Variants in RBFOX1 observed in about 807,000 individuals in gnomAD.
The protein encoded by RBFOX1 is RNA binding protein fox-1 homolog 1.
Under a neutral mutation model 57.7 loss-of-function variants are expected in RBFOX1, and 8 were observed. That is an observed-to-expected ratio of 0.14 (90% CI 0.08 to 0.25). The LOEUF (loss-of-function observed/expected upper bound fraction) is 0.25, where lower values mean the gene tolerates loss of function less well. Among genes scored for constraint, RBFOX1 ranks in the 10% least tolerant of loss-of-function variants. The probability of loss-of-function intolerance (pLI) is 1.00; values close to 1 mark genes in which losing one functional copy is unlikely to be tolerated. For synonymous variants in RBFOX1, 326 were observed against 222.4 expected, an observed-to-expected ratio of 1.47 and a Z score of -4.15; for missense variants, 611 against 548.5, an observed-to-expected ratio of 1.11 and a Z score of -1.14.
At chr16:7,518,759 A>G (rs895022087) in intron 5 of RBFOX1, among the ~76,000 whole-genome samples, 3 of 152,188 alleles carry the variant, frequency 2.0e-5, no homozygotes, top group African/African-American at 7.2e-5. Flanking sequence ...GTGGTGGCTC[A>G]TGCCTGTGAT....
chr16:5,981,524 A>C (rs1432800566), intron 4 of RBFOX1, among the ~76,000 whole-genome samples: 1 of 152,150 alleles, frequency 6.6e-6, no homozygotes, highest in East Asian at 1.9e-4. Context: ...GCTGGACTGA[A>C]GTGGCACCAT....
At chr16:5,891,674 G>C (rs1412441437) in intron 4 of RBFOX1, among the ~76,000 whole-genome samples, 1 of 152,176 alleles carries the variant, frequency 6.6e-6, no homozygotes, top group Non-Finnish European at 1.5e-5. Context: ...TGCCTAGGAA[G>C]AGCAGAGACT....
chr16:7,166,267 G>C (rs192227885), intron 4 of RBFOX1, among the ~76,000 whole-genome samples: 40 of 134,184 alleles, frequency 3.0e-4, no homozygotes, highest in Admixed American at 2.9e-3. Context: ...ACCCTTGTCG[G>C]ACTTCCCAAG....
intron 1 of RBFOX1, among the ~76,000 whole-genome samples, chr16:5,251,428 C>G (rs1423343963): frequency 6.6e-6 from 1 of 152,182 alleles, no homozygotes; most frequent in African/African-American, 2.4e-5. Context: ...ACTGTCATTG[C>G]TAGACTGTGG....
intron 10 of RBFOX1, among the ~76,000 whole-genome samples, chr16:7,628,473 T>A (rs1210217575): frequency 6.6e-6 from 1 of 152,138 alleles, no homozygotes; most frequent in Non-Finnish European, 1.5e-5. Context: ...GTAGGTAGCT[T>A]GCCTCCCCTT....
chr16:7,263,805 C>G (rs577180508), intron 4 of RBFOX1, among the ~76,000 whole-genome samples: 3 of 151,508 alleles, frequency 2.0e-5, no homozygotes, highest in Non-Finnish European at 4.4e-5. Context: ...TAGGCTGAGG[C>G]GGGAGAATCG....
intron 4 of RBFOX1, among the ~76,000 whole-genome samples, chr16:7,473,355 G>C (rs190915318): frequency 6.6e-6 from 1 of 150,588 alleles, no homozygotes; most frequent in East Asian, 1.9e-4. Context: ...TAGAACCTGG[G>C]TGACAGAGAG....
intron 4 of RBFOX1, among the ~76,000 whole-genome samples, chr16:7,362,355 G>C (rs1352417990): frequency 6.9e-6 from 1 of 144,758 alleles, no homozygotes; most frequent in African/African-American, 2.9e-5. Context: ...ATGTGTGTTT[G>C]TGTGTATGCT....
At chr16:6,244,802 C>G (rs1209708308) in intron 1 of RBFOX1, among the ~76,000 whole-genome samples, 1 of 152,180 alleles carries the variant, frequency 6.6e-6, no homozygotes, top group Non-Finnish European at 1.5e-5. Context: ...GCCAACACAC[C>G]CGGCAAACTT....
At chr16:6,340,218 G>A (rs1447483330) in intron 2 of RBFOX1, among the ~76,000 whole-genome samples, 2 of 152,070 alleles carry the variant, frequency 1.3e-5, no homozygotes, top group Admixed American at 6.6e-5. Flanking sequence ...AAGGGGTCAC[G>A]AAACAGGCCG....
At chr16:7,502,014 A>G (rs1303969295) in intron 4 of RBFOX1, among the ~76,000 whole-genome samples, 1 of 152,174 alleles carries the variant, frequency 6.6e-6, no homozygotes, top group Non-Finnish European at 1.5e-5. Flanking sequence ...GCCCATTTGG[A>G]CAGTTCATTG....
chr16:6,871,959 G>GTC lies in RBFOX1; in HGVS notation c.-15-180097_-15-180096insCT, dbSNP rs1555551906. ...TGTGTGTGTGTGTGTGTGTGTGTGT[G>GTC]TGTTTCCCTCGGTAGAGTATGGGGA... On this transcript the variant is annotated intron_variant, in intron 3 of 15. Transcript: ENST00000550418. Among the ~76,000 whole-genome samples, 287 of 126,346 alleles carry GTC rather than the reference G, an allele frequency of 2.3e-3. 3 individuals are homozygous for GTC. The highest frequency in any genetic ancestry group is 7.4e-3 in the African/African-American group (274 of 37,048). 82.9% of individuals were successfully genotyped at this position (126,346 alleles called of 152,430 possible).
intron 3 of RBFOX1, among the ~76,000 whole-genome samples, chr16:6,750,198 A>T (rs1304754967): frequency 6.6e-6 from 1 of 152,214 alleles, no homozygotes; most frequent in African/African-American, 2.4e-5. Context: ...AGAAATAGCA[A>T]AACCTATTGA....
intron 3 of RBFOX1, among the ~76,000 whole-genome samples, chr16:5,678,585 A>G (rs1300061100): frequency 6.6e-6 from 1 of 152,144 alleles, no homozygotes; most frequent in African/African-American, 2.4e-5. Context: ...TTACGTGGTT[A>G]ATCATTGCTT....
chr16:6,519,762 C>A (rs917022357), intron 2 of RBFOX1, among the ~76,000 whole-genome samples: 1 of 152,038 alleles, frequency 6.6e-6, no homozygotes, highest in African/African-American at 2.4e-5. Flanking sequence ...TATTGTATGC[C>A]CGGTTCTGTA....
intron 3 of RBFOX1, among the ~76,000 whole-genome samples, chr16:6,769,168 C>G (rs1464565475): frequency 2.6e-5 from 4 of 152,174 alleles, no homozygotes; most frequent in African/African-American, 4.8e-5. Context: ...CCACGCTGTT[C>G]TCATGATAGT....
chr16:7,461,276 T>C (rs983571443), intron 4 of RBFOX1, among the ~76,000 whole-genome samples: 2 of 151,972 alleles, frequency 1.3e-5, no homozygotes, highest in Non-Finnish European at 2.9e-5. Flanking sequence ...CAAGCGATTC[T>C]CCTGCCTCAG....
chr16:6,254,974 T>C (rs778927919), intron 1 of RBFOX1, among the ~76,000 whole-genome samples: 8 of 151,892 alleles, frequency 5.3e-5, no homozygotes, highest in Non-Finnish European at 7.4e-5. Flanking sequence ...ATATATATGG[T>C]TTTGGCCTTT....
chr16:7,108,858 A>T (rs949043598), intron 4 of RBFOX1, among the ~76,000 whole-genome samples: 6 of 152,162 alleles, frequency 3.9e-5, no homozygotes, highest in Non-Finnish European at 8.8e-5. Context: ...GAGTCATGAT[A>T]TATATTTATG....
Sources: allele counts gnomAD v4.1 joint callset (sites outside exome capture counted in the v4.1 genomes callset), GRCh38; gene constraint gnomAD v4.1.1; transcripts MANE v1.5; gene names NCBI Gene and HGNC (gene_info 2026-07-23, HGNC 2026-07-21).